Variants in TNKS observed in about 807,000 individuals in gnomAD.
TNKS encodes the protein tankyrase.
Under a neutral mutation model 135.8 loss-of-function variants are expected in TNKS, and 72 were observed. That is an observed-to-expected ratio of 0.53 (90% CI 0.44 to 0.64). The LOEUF (loss-of-function observed/expected upper bound fraction) is 0.64, where lower values mean the gene tolerates loss of function less well. TNKS is among the 30% of genes least tolerant of loss of function. TNKS has a pLI of 0.00. For missense variants in TNKS, 1,769 were observed against 1,674.0 expected, an observed-to-expected ratio of 1.06 and a Z score of -0.99; for synonymous variants, 849 against 649.3, an observed-to-expected ratio of 1.31 and a Z score of -4.68.
At chr8:9,773,373 G>A (rs1262601023) in intron 26 of TNKS, among the ~76,000 whole-genome samples, 1 of 151,998 alleles carries the variant, frequency 6.6e-6, no homozygotes, top group Non-Finnish European at 1.5e-5. Flanking sequence ...ATAAGAATAT[G>A]GTTATCACTG....
chr8:9,621,564 C>T (rs1486659570), intron 3 of TNKS, among the ~76,000 whole-genome samples: 6 of 151,864 alleles, frequency 4.0e-5, no homozygotes, highest in Non-Finnish European at 7.4e-5. Context: ...CCTCAGCCTC[C>T]GTAAGTGCTG....
At chr8:9,611,072 G>C (rs568861423) in intron 2 of TNKS, among the ~76,000 whole-genome samples, 1 of 152,168 alleles carries the variant, frequency 6.6e-6, no homozygotes. Context: ...TCTTGACATA[G>C]CTCATTTGAA....
intron 3 of TNKS, among the ~76,000 whole-genome samples, chr8:9,662,489 G>A (rs1049019551): frequency 2.4e-4 from 36 of 152,014 alleles, no homozygotes; most frequent in African/African-American, 7.7e-4. Context: ...GCAAACTATC[G>A]CAAGGACAAA....
At chr8:9,653,327 C>G (rs1420546744) in intron 3 of TNKS, among the ~76,000 whole-genome samples, 1 of 152,072 alleles carries the variant, frequency 6.6e-6, no homozygotes, top group African/African-American at 2.4e-5. Flanking sequence ...ATCTGACTGT[C>G]TCTGTTTCTG....
intron 3 of TNKS, among the ~76,000 whole-genome samples, chr8:9,615,975 AGTT>A (rs1799631324): frequency 6.6e-6 from 1 of 152,096 alleles, no homozygotes; most frequent in South Asian, 2.1e-4. Flanking sequence ...TCATCCTCTC[AGTT>A]GTTTAAGACC....
intron 21 of TNKS, 26 bp downstream of exon 21, chr8:9,761,662 A>AG (rs1807154500): frequency 1.3e-6 from 2 of 1,574,902 alleles, no homozygotes; most frequent in Non-Finnish European, 1.7e-6. Context: ...AAAAAAAAAA[A>AG]TTTCAGAAAT....
At chr8:9,650,947 C>G (rs559688983) in intron 3 of TNKS, among the ~76,000 whole-genome samples, 10 of 152,106 alleles carry the variant, frequency 6.6e-5, no homozygotes, top group Non-Finnish European at 1.3e-4. Flanking sequence ...TCTGTTGTTT[C>G]AGGTCTTCGA....
chr8:9,760,563 A>T (rs1807095663), intron 20 of TNKS, among the ~76,000 whole-genome samples: 1 of 152,212 alleles, frequency 6.6e-6, no homozygotes, highest in Non-Finnish European at 1.5e-5. Flanking sequence ...GCAGGGGAAA[A>T]TCAAAGACTA....
At chr8:9,589,879 T>C (rs1488033998) in intron 2 of TNKS, among the ~76,000 whole-genome samples, 3 of 152,256 alleles carry the variant, frequency 2.0e-5, no homozygotes, top group Non-Finnish European at 4.4e-5. Context: ...TATGTTTCTA[T>C]AGCTGTCCAC....
At chr8:9,592,153 A>G (rs1014849121) in intron 2 of TNKS, among the ~76,000 whole-genome samples, 3 of 152,248 alleles carry the variant, frequency 2.0e-5, no homozygotes, top group Admixed American at 6.5e-5. Context: ...ATTGGCAAGT[A>G]TATTTCCAAA....
At position 9,771,251 on chromosome 8, in the gene TNKS, G is replaced by A. The variant is rs141282358; in HGVS notation, c.3897+989G>A. Among the ~76,000 whole-genome samples the A allele has an allele frequency of 3.1e-3, 449 of 142,854 alleles. 3 individuals are homozygous for A. The highest frequency in any genetic ancestry group is 0.011 in the African/African-American group (419 of 38,244). The allele number at this position is 142,854 out of a possible 152,430, so 93.7% of individuals were successfully genotyped here. On this transcript the variant is annotated intron_variant, in intron 26 of 26. Coordinates refer to ENST00000310430, the MANE Select transcript of TNKS (RefSeq NM_003747.3). ...GGAGAGAGCGAGGAAAGGAGGGAGG[G>A]AGGAAGGAAGTGAGGGAGGAAGAGA...
At chr8:9,566,910 G>A (rs1390199175) in intron 1 of TNKS, among the ~76,000 whole-genome samples, 1 of 151,800 alleles carries the variant, frequency 6.6e-6, no homozygotes, top group African/African-American at 2.4e-5. Flanking sequence ...GCCCGGCCTA[G>A]CCCAGTCTTT....
At chr8:9,565,886 A>G (rs1263842211) in intron 1 of TNKS, among the ~76,000 whole-genome samples, 1 of 152,052 alleles carries the variant, frequency 6.6e-6, no homozygotes, top group East Asian at 1.9e-4. Context: ...AAAAATAAAA[A>G]TAAACTAAAC....
chr8:9,613,650 G>T (rs1425806207), intron 2 of TNKS, among the ~76,000 whole-genome samples: 2 of 152,138 alleles, frequency 1.3e-5, no homozygotes, highest in Non-Finnish European at 2.9e-5. Context: ...AGGTAGGCAT[G>T]GCCCAAACAT....
intron 2 of TNKS, among the ~76,000 whole-genome samples, chr8:9,586,924 C>T (rs1363928980): frequency 1.3e-5 from 2 of 152,016 alleles, no homozygotes; most frequent in East Asian, 1.9e-4. Context: ...GTCGGCGTAC[C>T]TGGAGAGTAC....
At chr8:9,606,736 T>C (rs937390329) in intron 2 of TNKS, among the ~76,000 whole-genome samples, 1 of 152,152 alleles carries the variant, frequency 6.6e-6, no homozygotes, top group African/African-American at 2.4e-5. Flanking sequence ...TCTTTCTCTC[T>C]ATATGTTTAA....
At chr8:9,688,934 C>A (rs1803136156) in intron 5 of TNKS, among the ~76,000 whole-genome samples, 1 of 150,868 alleles carries the variant, frequency 6.6e-6, no homozygotes, top group Non-Finnish European at 1.5e-5. Context: ...AGCCACTGTT[C>A]CCGGCCCAGC....
At chr8:9,763,062 A>ATT in intron 21 of TNKS, 85 bp from the exon 22 acceptor site, 1 of 522,786 alleles carries the variant, frequency 1.9e-6, no homozygotes, top group South Asian at 5.7e-5. Context: ...ACTTATTATG[A>ATT]ATTTTTTTTT....
At chr8:9,688,466 A>T (rs1803113454) in intron 5 of TNKS, among the ~76,000 whole-genome samples, 1 of 152,154 alleles carries the variant, frequency 6.6e-6, no homozygotes. Flanking sequence ...ACTATTTCTT[A>T]ATTCATTGTA....
Sources: allele counts gnomAD v4.1 joint callset (sites outside exome capture counted in the v4.1 genomes callset), GRCh38; gene constraint gnomAD v4.1.1; transcripts MANE v1.5; gene names NCBI Gene and HGNC (gene_info 2026-07-23, HGNC 2026-07-21).